Variants in RAD50 observed in about 807,000 individuals in gnomAD.
The protein encoded by RAD50 is DNA repair protein RAD50.
A neutral mutation model predicts 168.8 loss-of-function variants in RAD50; 132 were observed. That is an observed-to-expected ratio of 0.78 (90% CI 0.68 to 0.90). RAD50 has a LOEUF of 0.90. Among genes scored for constraint, RAD50 ranks in the 40% least tolerant of loss-of-function variants. The probability of loss-of-function intolerance (pLI) is 0.00; values close to 1 mark genes in which losing one functional copy is unlikely to be tolerated. For missense variants in RAD50, 1,347 were observed against 1,534.4 expected (o/e 0.88, Z 2.04); for synonymous variants, 525 against 497.4 (o/e 1.06, Z -0.74).
chr5:132,557,217 C>G lies in RAD50; in HGVS notation c.-108C>G. On this transcript the variant is annotated 5_prime_UTR_variant, in exon 1 of 25. Coordinates refer to ENST00000378823, the MANE Select transcript of RAD50 (RefSeq NM_005732.4). Reference sequence around the variant, plus strand: ...TGGCCTCGCTCCCCGCCCGGATCCTCCTGACCCTGAGATTCGCGGGTCTCA... The same window carrying G: ...TGGCCTCGCTCCCCGCCCGGATCCTGCTGACCCTGAGATTCGCGGGTCTCA... 1 of 1,481,156 alleles carries G rather than the reference C, an allele frequency of 6.8e-7. No homozygotes were observed. The highest frequency in any genetic ancestry group is 2.3e-5 in the East Asian group (1 of 44,076). The allele number at this position is 1,481,156 out of a possible 1,614,324, so 91.8% of individuals were successfully genotyped here. A position where few individuals can be genotyped will look rare whatever the true frequency, so the allele number is the denominator to read the frequency against.
Position 132,609,063 on chromosome 5 carries a change from T to A in RAD50, c.2830-54T>A, listed in dbSNP as rs1480376283. Reference sequence around the variant, plus strand: ...CAGCCAGTGTTTTACTGTGCTCTCCTGTTATGTGCCCTTAAGTACAACCAG... The same window carrying A: ...CAGCCAGTGTTTTACTGTGCTCTCCAGTTATGTGCCCTTAAGTACAACCAG... On this transcript the variant is annotated intron_variant, in intron 17 of 24. Coordinates refer to ENST00000378823, the MANE Select transcript of RAD50 (RefSeq NM_005732.4). 7 of 1,600,712 alleles carry A rather than the reference T, an allele frequency of 4.4e-6. No homozygotes were observed. In the African/African-American group the frequency reaches 9.4e-5, roughly 21 times the overall value.
chr5:132,573,463 T>G (rs1054086996), intron 2 of RAD50, among the ~76,000 whole-genome samples: 3 of 152,118 alleles, frequency 2.0e-5, no homozygotes, highest in Admixed American at 6.6e-5. Flanking sequence ...GTGATTCAAT[T>G]ATCTCCCACC....
intron 21 of RAD50, among the ~76,000 whole-genome samples, chr5:132,636,078 T>C (rs1490320346): frequency 6.6e-6 from 1 of 152,228 alleles, no homozygotes; most frequent in Non-Finnish European, 1.5e-5. Flanking sequence ...ATTCAGTTTC[T>C]TTTTTTGTAT....
chr5:132,598,825 C>T (rs1217320253), intron 13 of RAD50, among the ~76,000 whole-genome samples: 4 of 152,164 alleles, frequency 2.6e-5, no homozygotes, highest in Non-Finnish European at 4.4e-5. Context: ...CCTTTAAGGC[C>T]TAGACCAAGA....
rs1750463371 is a variant in RAD50 at position 132,579,424 on chromosome 5, ATC to A, written c.474_475del (p.His158GlnfsTer5). 5 of 1,613,844 alleles carry A rather than the reference ATC, an allele frequency of 3.1e-6. No individual in the cohort carries two copies. The highest frequency in any genetic ancestry group is 4.2e-6 in the Non-Finnish European group (5 of 1,179,858). ...GTGCTAAATAATGTCATTTTCTGTC[ATC>A]AAGAAGATTCTAATTGGCCTTTAAG... On this transcript the variant is annotated frameshift_variant, in exon 4 of 25. Transcript: ENST00000378823. LOFTEE classifies it high-confidence loss of function.
chr5:132,626,852 T>C (rs1751380041), intron 21 of RAD50, among the ~76,000 whole-genome samples: 1 of 152,128 alleles, frequency 6.6e-6, no homozygotes, highest in Non-Finnish European at 1.5e-5. Flanking sequence ...GACATGCTGC[T>C]ACCATAGTGG....
Position 132,615,369 on chromosome 5 carries a change from T to C in RAD50, c.3037-634T>C, listed in dbSNP as rs575484707. On this transcript the variant is annotated intron_variant, in intron 19 of 24. Transcript: ENST00000378823. Reference sequence around the variant, plus strand: ...TAAGGAGGTACCAAGTTCATAGATATATGCTACTATTGTGGCACTTCTTAC... The same window carrying C: ...TAAGGAGGTACCAAGTTCATAGATACATGCTACTATTGTGGCACTTCTTAC... Among the ~76,000 whole-genome samples the C allele has an allele frequency of 1.3e-3, 198 of 152,314 alleles. 1 individual carries two copies. Among genetic ancestry groups the C allele is most frequent in the African/African-American group, 4.5e-3 (188 of 41,558 alleles).
chr5:132,594,403 A>G (rs1750753404), intron 11 of RAD50, among the ~76,000 whole-genome samples: 1 of 152,208 alleles, frequency 6.6e-6, no homozygotes, highest in Non-Finnish European at 1.5e-5. Flanking sequence ...TCTTTGATGA[A>G]TGAGAGGGAA....
At chr5:132,608,463 G>A in intron 16 of RAD50, 152 bp from the exon 17 acceptor site, 1 of 575,266 alleles carries the variant, frequency 1.7e-6, no homozygotes, top group South Asian at 2.8e-5. Flanking sequence ...TGAAAATGAT[G>A]GTACTGTCCT....
At chr5:132,587,439 T>C (rs1034035147) in intron 5 of RAD50, 123 bp from the exon 6 acceptor site, 3 of 1,403,536 alleles carry the variant, frequency 2.1e-6, no homozygotes, top group African/African-American at 2.9e-5. Flanking sequence ...TACAGTGTTA[T>C]TGTTAGCCTT....
At position 132,580,051 on chromosome 5, in the gene RAD50, A is replaced by G. The variant is rs786201913; in HGVS notation, c.741A>G (p.Glu247=). The stretch of plus-strand genomic sequence containing the variant: ...AAATTGTCAAATCCTATGAGAATGA[A>G]CTTGATCCATTGAAGGTAACTTGAT... ...SKEIVKSYEN[E]LDPLKNRLKE... is the part of the protein sequence containing the mutation. The change falls in exon 5 of 25, where the codon GAA becomes GAG. Residue 247 remains glutamate, a synonymous_variant. Coordinates refer to ENST00000378823, the MANE Select transcript of RAD50 (RefSeq NM_005732.4). 54 of 1,610,588 alleles carry G rather than the reference A, an allele frequency of 3.4e-5. No individual in the cohort carries two copies. Among genetic ancestry groups the G allele is most frequent in the Non-Finnish European group, 4.5e-5 (53 of 1,176,872 alleles).
chr5:132,601,144 C>T (rs1242396713), intron 13 of RAD50, among the ~76,000 whole-genome samples: 1 of 152,098 alleles, frequency 6.6e-6, no homozygotes, highest in Non-Finnish European at 1.5e-5. Flanking sequence ...TTACAGGCGC[C>T]CTTCACCACG....
intron 2 of RAD50, among the ~76,000 whole-genome samples, chr5:132,561,050 C>T (rs1311761735): frequency 1.3e-5 from 2 of 152,168 alleles, no homozygotes; most frequent in Non-Finnish European, 2.9e-5. Flanking sequence ...TTCTAATTCT[C>T]ATTAACATCT....
chr5:132,581,202 G>A (rs1750498126), intron 5 of RAD50, among the ~76,000 whole-genome samples: 1 of 151,978 alleles, frequency 6.6e-6, no homozygotes, highest in Admixed American at 6.6e-5. Context: ...CCGGGTTCAA[G>A]CAATTCTCCC....
chr5:132,638,628 G>A (rs1369558718), intron 23 of RAD50, among the ~76,000 whole-genome samples: 1 of 152,188 alleles, frequency 6.6e-6, no homozygotes, highest in African/African-American at 2.4e-5. Flanking sequence ...TGACATAATA[G>A]TATTGCAAAC....
intron 16 of RAD50, among the ~76,000 whole-genome samples, chr5:132,605,752 A>G (rs1487004701): frequency 6.6e-6 from 1 of 152,194 alleles, no homozygotes; most frequent in Non-Finnish European, 1.5e-5. Flanking sequence ...CAGCAAATGC[A>G]AAAGAACAGA....
At position 132,603,432 on chromosome 5, in the gene RAD50, TG is replaced by T. The variant is rs1332337249; in HGVS notation, c.2341del (p.Glu781LysfsTer9). The T allele has an allele frequency of 1.2e-6, 2 of 1,613,874 alleles. No homozygotes were observed. Among genetic ancestry groups the T allele is most frequent in the Non-Finnish European group, 1.7e-6 (2 of 1,179,936 alleles). Reference protein sequence around the residue: ...QETLLGTIMPEEESAKVCLTD... With the variant: ...QETLLGTIMPXEESAKVCLTD... ...AAACACTCTTGGGTACAATAATGCC[TG>T]AAGAAGAAAGTGCCAAAGTATGCCT... On this transcript the variant is annotated frameshift_variant, in exon 14 of 25. Transcript: ENST00000378823. LOFTEE classifies it high-confidence loss of function.
chr5:132,595,779 C>T lies in RAD50; in HGVS notation c.2176C>T (p.Arg726Cys), dbSNP rs753002904. Residue 726 changes from arginine to cysteine, a missense_variant, in exon 13 of 25, where the codon CGT becomes TGT. By Grantham distance (180) the Arg-to-Cys change is radical. Coordinates refer to ENST00000378823, the MANE Select transcript of RAD50 (RefSeq NM_005732.4). ...ESELKKKEKR[R>C]DEMLGLVPMR... ...AGAGCTAAAAAAAAAGGAAAAGCGG[C>T]GTGATGAAATGCTGGGACTTGTGCC... The T allele has an allele frequency of 8.1e-6, 13 of 1,611,792 alleles. No homozygotes were observed. The highest frequency in any genetic ancestry group is 3.3e-5 in the South Asian group (3 of 91,058).
At position 132,603,380 on chromosome 5, in the gene RAD50, G is replaced by A. The variant is rs141989813; in HGVS notation, c.2288G>A (p.Arg763His). ...KLQNVNRDIQ[R>H]LKNDIEEQET... Reference sequence around the variant, plus strand: ...CAGAATGTCAATAGAGACATACAGCGCCTAAAGAACGACATAGAAGAACAA... The same window carrying A: ...CAGAATGTCAATAGAGACATACAGCACCTAAAGAACGACATAGAAGAACAA... The change falls in exon 14 of 25, where the codon CGC becomes CAC. Residue 763 changes from arginine (R) to histidine (H), a missense_variant. Arg to His is a conservative substitution (Grantham distance 29). Around this residue, in one of 3 missense-constraint regions of RAD50, gnomAD observed 635 missense variants for 739.2 expected, o/e 0.86. Transcript: ENST00000378823. 4.0e-4 allele frequency: 640 copies of A among 1,613,634 alleles called. No individual in the cohort carries two copies. The highest frequency in any genetic ancestry group is 1.5e-3 in the Middle Eastern group (9 of 6,056).
Sources: allele counts gnomAD v4.1 joint callset (sites outside exome capture counted in the v4.1 genomes callset), GRCh38; gene constraint gnomAD v4.1.1; regional missense constraint gnomAD v4.1.1; transcripts MANE v1.5; gene names NCBI Gene and HGNC (gene_info 2026-07-23, HGNC 2026-07-21).